SASH1: variants seen among roughly 807,000 people sequenced by gnomAD.
SASH1 encodes the protein SAM and SH3 domain containing 1.
In SASH1, 44 loss-of-function variants were observed where a neutral mutation model predicts 125.2. That is an observed-to-expected ratio of 0.35 (90% CI 0.28 to 0.45). The LOEUF is 0.45. Among genes scored for constraint, SASH1 ranks in the 20% least tolerant of loss-of-function variants. The probability of loss-of-function intolerance (pLI) is 1.00; values close to 1 mark genes in which losing one functional copy is unlikely to be tolerated. For synonymous variants in SASH1, 639 were observed against 649.1 expected (o/e 0.98, Z 0.24); for missense variants, 1,426 against 1,614.5 (o/e 0.88, Z 2.00).
At chr6:148,540,798 C>A (rs568037724) in intron 17 of SASH1, among the ~76,000 whole-genome samples, 2 of 152,188 alleles carry the variant, frequency 1.3e-5, no homozygotes, top group South Asian at 4.1e-4. Context: ...GTCTCCTATG[C>A]CCTTTTCTGT....
intron 1 of SASH1, among the ~76,000 whole-genome samples, chr6:148,384,554 C>T (rs1783282932): frequency 6.6e-6 from 1 of 152,098 alleles, no homozygotes; most frequent in Non-Finnish European, 1.5e-5. Context: ...GTAAAGATGG[C>T]AGCATGCGAT....
intron 8 of SASH1, among the ~76,000 whole-genome samples, chr6:148,500,096 C>T: frequency 6.6e-6 from 1 of 151,970 alleles, no homozygotes; most frequent in Non-Finnish European, 1.5e-5. Context: ...CCTCTCTTTG[C>T]CGTAGTTTGT....
At chr6:148,363,576 A>G (rs767467019) in intron 1 of SASH1, among the ~76,000 whole-genome samples, 10 of 151,660 alleles carry the variant, frequency 6.6e-5, no homozygotes, top group Non-Finnish European at 1.3e-4. Context: ...AATTTTCTGT[A>G]TTTTTAGTAG....
chr6:148,318,143 C>A (rs1780528614), intron 1 of SASH1, among the ~76,000 whole-genome samples: 1 of 152,204 alleles, frequency 6.6e-6, no homozygotes, highest in Non-Finnish European at 1.5e-5. Flanking sequence ...TTCATTCTTT[C>A]ATTCACCAGA....
At chr6:148,536,974 C>T (rs115830853) in intron 16 of SASH1, among the ~76,000 whole-genome samples, 22 of 152,298 alleles carry the variant, frequency 1.4e-4, no homozygotes, top group African/African-American at 5.3e-4. Context: ...GGTTCTAAAA[C>T]AAAGGCTTCA....
rs201123710 is a variant in SASH1 at position 148,474,202 on chromosome 6, A to G, written c.607A>G (p.Ile203Val). Residue 203 changes from isoleucine (I) to valine (V), a missense_variant, in exon 7 of 20, where the codon ATT becomes GTT. Ile to Val is a conservative substitution (Grantham distance 29). This residue lies in a region of SASH1 where 567 missense variants were observed against 575.6 expected (regional missense o/e 0.99). Transcript: ENST00000367467. ...GATGGTCAAAGAAAAGATGATCACA[A>G]TTGAGGAAGCACTTGCTAGGGTAAG... Reference protein sequence around the residue: ...MMMVKEKMITIEEALARLKEY... With the variant: ...MMMVKEKMITVEEALARLKEY... 25 of 1,603,504 alleles carry G rather than the reference A, an allele frequency of 1.6e-5. No individual in the cohort carries two copies. Among genetic ancestry groups the G allele is most frequent in the Non-Finnish European group, 1.2e-5 (14 of 1,173,944 alleles).
intron 7 of SASH1, among the ~76,000 whole-genome samples, chr6:148,478,101 C>T (rs1778450272): frequency 6.6e-6 from 1 of 152,084 alleles, no homozygotes; most frequent in Non-Finnish European, 1.5e-5. Context: ...TTATTACAGC[C>T]ACTATGGAGA....
intron 10 of SASH1, among the ~76,000 whole-genome samples, chr6:148,524,118 TATA>T (rs1415227661): frequency 0.014 from 1,346 of 94,868 alleles, 7 homozygotes; most frequent in Admixed American, 0.022. Flanking sequence ...TATATATATA[TATA>T]TTTTTTTTAA....
chr6:148,345,412 C>G (rs1186436015), intron 1 of SASH1, among the ~76,000 whole-genome samples: 1 of 152,216 alleles, frequency 6.6e-6, no homozygotes, highest in African/African-American at 2.4e-5. Context: ...TGTACTTCAG[C>G]TAATCATTCA....
intron 8 of SASH1, among the ~76,000 whole-genome samples, chr6:148,494,806 A>G (rs1446845530): frequency 6.6e-6 from 1 of 152,206 alleles, no homozygotes; most frequent in African/African-American, 2.4e-5. Flanking sequence ...ACTGTGTCCA[A>G]AACTTTGGGC....
intron 11 of SASH1, 41 bp downstream of exon 11, chr6:148,525,406 C>A (rs1380578125): frequency 2.1e-6 from 3 of 1,436,164 alleles, no homozygotes; most frequent in Admixed American, 1.7e-5. Flanking sequence ...TGGATTCAGG[C>A]GATGAGGTTG....
intron 9 of SASH1, among the ~76,000 whole-genome samples, chr6:148,517,623 G>C (rs1780517946): frequency 6.6e-6 from 1 of 152,174 alleles, no homozygotes; most frequent in Non-Finnish European, 1.5e-5. Flanking sequence ...CTCAGCACCG[G>C]CAGATGCAGC....
At chr6:148,484,001 TGAGGGTTGTTAAA>T in intron 7 of SASH1, among the ~76,000 whole-genome samples, 1 of 152,316 alleles carries the variant, frequency 6.6e-6, no homozygotes, top group African/African-American at 2.4e-5. Flanking sequence ...TTCAAGTGCC[TGAGGGTTGTTAAA>T]GAGTACATAT....
At chr6:148,429,385 TAAAAAAAA>T (rs61460366) in intron 2 of SASH1, among the ~76,000 whole-genome samples, 8 of 73,938 alleles carry the variant, frequency 1.1e-4, no homozygotes, top group African/African-American at 2.7e-4. Context: ...CCCTGTCTCT[TAAAAAAAA>T]AAAAAAAAAA....
chr6:148,337,641 C>T (rs530884973), intron 1 of SASH1, among the ~76,000 whole-genome samples: 9 of 152,118 alleles, frequency 5.9e-5, no homozygotes, highest in Admixed American at 2.0e-4. Context: ...GGATTACAGA[C>T]GTGAGCCACT....
intron 1 of SASH1, among the ~76,000 whole-genome samples, chr6:148,325,783 T>A (rs1470464439): frequency 6.6e-6 from 1 of 152,114 alleles, no homozygotes; most frequent in African/African-American, 2.4e-5. Flanking sequence ...CTGAAAAATG[T>A]ACTTTTTAGC....
chr6:148,222,931 C>G, the SASH1 span, among the ~76,000 whole-genome samples: 1 of 152,134 alleles, frequency 6.6e-6, no homozygotes, highest in East Asian at 1.9e-4. Context: ...CCTACCGGAC[C>G]TCTTGGTTCC....
the SASH1 span, among the ~76,000 whole-genome samples, chr6:148,204,572 A>T: frequency 2.0e-5 from 3 of 152,082 alleles, no homozygotes; most frequent in African/African-American, 7.2e-5. Context: ...GGCACCTGTA[A>T]TCCTAGCTAC....
intron 8 of SASH1, among the ~76,000 whole-genome samples, chr6:148,511,375 C>CACACT (rs1185411390): frequency 2.2e-5 from 3 of 134,036 alleles, no homozygotes; most frequent in African/African-American, 8.2e-5. Context: ...ACACACACAC[C>CACACT]TTGGATGACC....
Sources: allele counts gnomAD v4.1 joint callset (sites outside exome capture counted in the v4.1 genomes callset), GRCh38; gene constraint gnomAD v4.1.1; regional missense constraint gnomAD v4.1.1; transcripts MANE v1.5; gene names NCBI Gene and HGNC (gene_info 2026-07-23, HGNC 2026-07-21).